Variants in NTM observed in about 807,000 individuals in gnomAD.
The protein encoded by NTM is IgLON family member 2.
NTM carries 13 observed loss-of-function variants against 42.1 expected under a neutral mutation model. The ratio of observed to expected loss-of-function variants is 0.31; its 90% CI spans 0.20 to 0.49. The LOEUF (loss-of-function observed/expected upper bound fraction) is 0.49, where lower values mean the gene tolerates loss of function less well. Among genes scored for constraint, NTM ranks in the 20% least tolerant of loss-of-function variants. NTM has a pLI of 0.99. For missense variants in NTM, 373 were observed against 452.8 expected (o/e 0.82, Z 1.60); for synonymous variants, 187 against 179.2 (o/e 1.04, Z -0.35).
intron 1 of NTM, among the ~76,000 whole-genome samples, chr11:131,569,708 C>G (rs2057274800): frequency 6.6e-6 from 1 of 151,730 alleles, no homozygotes; most frequent in Non-Finnish European, 1.5e-5. Flanking sequence ...CACCTGAGAG[C>G]TGGGACTACA....
At chr11:132,095,439 G>A (rs2060852583) in intron 2 of NTM, among the ~76,000 whole-genome samples, 1 of 152,128 alleles carries the variant, frequency 6.6e-6, no homozygotes, top group Non-Finnish European at 1.5e-5. Flanking sequence ...TGGCCAGGAT[G>A]TTCAGGAAGC....
chr11:132,064,457 A>C (rs2081141062), intron 2 of NTM, among the ~76,000 whole-genome samples: 1 of 152,202 alleles, frequency 6.6e-6, no homozygotes, highest in South Asian at 2.1e-4. Flanking sequence ...TGTCAAACCC[A>C]ATCTCTCATT....
chr11:131,751,086 C>T (rs1169784399), intron 1 of NTM, among the ~76,000 whole-genome samples: 1 of 152,154 alleles, frequency 6.6e-6, no homozygotes. Context: ...TTGGGATGCC[C>T]TTCTTATTGC....
chr11:132,087,931 C>T (rs1038823046), intron 2 of NTM, among the ~76,000 whole-genome samples: 29 of 152,278 alleles, frequency 1.9e-4, no homozygotes, highest in African/African-American at 6.3e-4. Flanking sequence ...TGCACAGGGC[C>T]CAGGTCCCTG....
At chr11:132,046,801 T>C (rs1246313203) in intron 2 of NTM, among the ~76,000 whole-genome samples, 1 of 152,222 alleles carries the variant, frequency 6.6e-6, no homozygotes, top group Non-Finnish European at 1.5e-5. Context: ...GCTTTATCTA[T>C]CTATCTGTCT....
At chr11:131,823,312 T>C (rs1223921204) in intron 1 of NTM, among the ~76,000 whole-genome samples, 1 of 152,156 alleles carries the variant, frequency 6.6e-6, no homozygotes, top group Non-Finnish European at 1.5e-5. Context: ...TCTCACAGCT[T>C]TGTTGAATTC....
intron 1 of NTM, among the ~76,000 whole-genome samples, chr11:131,731,623 C>T (rs940087267): frequency 5.9e-5 from 9 of 152,234 alleles, no homozygotes; most frequent in East Asian, 1.9e-4. Flanking sequence ...GGCCTGCATA[C>T]GTTAATCTTT....
At chr11:131,948,604 T>G (rs1317544513) in intron 2 of NTM, among the ~76,000 whole-genome samples, 4 of 152,182 alleles carry the variant, frequency 2.6e-5, no homozygotes, top group African/African-American at 9.6e-5. Context: ...TTCAGCCCTT[T>G]AGCCACAGGG....
At chr11:132,289,107 C>G (rs988321945) in intron 4 of NTM, among the ~76,000 whole-genome samples, 5 of 152,286 alleles carry the variant, frequency 3.3e-5, no homozygotes, top group Middle Eastern at 3.4e-3. Context: ...TTCACCTTTA[C>G]TTTGCAGGGC....
At chr11:131,944,385 G>T (rs2060130338) in intron 2 of NTM, among the ~76,000 whole-genome samples, 1 of 152,342 alleles carries the variant, frequency 6.6e-6, no homozygotes, top group East Asian at 1.9e-4. Flanking sequence ...AGTTTTGCAG[G>T]AGGGGGCTCA....
chr11:131,403,565 G>A lies in NTM; in HGVS notation c.82+32677G>A, dbSNP rs529244925. On this transcript the variant is annotated intron_variant, in intron 1 of 8. Transcript: ENST00000683400. ...CAACAAAAAACCCAATGTGGTCTGTGTCATTTTAAAATCTCAGAGTAACAA... is the reference window on the plus strand; with the variant it reads ...CAACAAAAAACCCAATGTGGTCTGTATCATTTTAAAATCTCAGAGTAACAA... 5.3e-5 allele frequency among the ~76,000 whole-genome samples: 8 copies of A among 152,312 alleles called. No homozygotes were observed. The East Asian group carries it at 5.8e-4, about 11-fold the overall frequency.
chr11:131,594,427 G>T (rs976510400), intron 1 of NTM, among the ~76,000 whole-genome samples: 11 of 152,062 alleles, frequency 7.2e-5, no homozygotes, highest in East Asian at 1.9e-4. Flanking sequence ...ACAGGGTCTT[G>T]CTCTGTCACC....
At chr11:131,771,991 T>C (rs1233271770) in intron 1 of NTM, among the ~76,000 whole-genome samples, 1 of 152,206 alleles carries the variant, frequency 6.6e-6, no homozygotes, top group Admixed American at 6.5e-5. Context: ...CTATTTTTCA[T>C]TATTCCTCCC....
chr11:131,521,778 A>T (rs1378202565), intron 1 of NTM, among the ~76,000 whole-genome samples: 1 of 152,120 alleles, frequency 6.6e-6, no homozygotes, highest in Non-Finnish European at 1.5e-5. Context: ...TGTCCAAACT[A>T]GAGCAGCATT....
intron 1 of NTM, among the ~76,000 whole-genome samples, chr11:131,812,544 A>G (rs1333399284): frequency 6.6e-6 from 1 of 152,050 alleles, no homozygotes; most frequent in Non-Finnish European, 1.5e-5. Context: ...GCATTGTGCT[A>G]GGGACTGGGG....
At chr11:132,290,780 T>G (rs2094431093) in intron 4 of NTM, among the ~76,000 whole-genome samples, 1 of 152,110 alleles carries the variant, frequency 6.6e-6, no homozygotes, top group Admixed American at 6.6e-5. Flanking sequence ...TACAGTGAAT[T>G]GGGGATGGGG....
intron 2 of NTM, among the ~76,000 whole-genome samples, chr11:132,037,711 G>T (rs754420627): frequency 4.6e-5 from 7 of 152,122 alleles, no homozygotes; most frequent in Non-Finnish European, 8.8e-5. Flanking sequence ...TCATTAACAC[G>T]CTCTCCTACT....
chr11:131,525,374 C>A (rs1205827886), intron 1 of NTM, among the ~76,000 whole-genome samples: 2 of 152,170 alleles, frequency 1.3e-5, no homozygotes, highest in Admixed American at 6.5e-5. Flanking sequence ...TGCTGTTGAC[C>A]AGTGGTTGCC....
chr11:131,706,083 T>G (rs2135237989), intron 1 of NTM, among the ~76,000 whole-genome samples: 1 of 152,192 alleles, frequency 6.6e-6, no homozygotes, highest in East Asian at 1.9e-4. Context: ...ATGCTACCTT[T>G]AAGAGACTCA....
Sources: gnomAD v4.1 joint callset for allele counts (sites outside exome capture counted in the v4.1 genomes callset) on GRCh38, gnomAD v4.1.1 for gene constraint, MANE v1.5 for transcripts, NCBI Gene and HGNC (gene_info 2026-07-23, HGNC 2026-07-21) for gene names.